The following PACSIN1 variants were observed in gnomAD, a reference collection of about 807,000 sequenced individuals.
PACSIN1 encodes protein kinase C and casein kinase substrate in neurons 1, also known as protein kinase C and casein kinase substrate in neurons protein 1.
Under a neutral mutation model 59.5 loss-of-function variants are expected in PACSIN1, and 15 were observed. That is an observed-to-expected ratio of 0.25 (90% CI 0.17 to 0.39). PACSIN1 has a LOEUF of 0.39. PACSIN1 is among the 10% of genes least tolerant of loss of function. PACSIN1 has a pLI of 1.00. For missense variants in PACSIN1, 420 were observed against 580.2 expected (o/e 0.72, Z 2.84); for synonymous variants, 210 against 220.6 (o/e 0.95, Z 0.42).
intron 1 of PACSIN1, among the ~76,000 whole-genome samples, chr6:34,504,861 G>A (rs1767085234): frequency 6.6e-6 from 1 of 152,048 alleles, no homozygotes; most frequent in Non-Finnish European, 1.5e-5. Flanking sequence ...ATTTTCTCTG[G>A]ATATATGGTT....
chr6:34,519,941 G>A (rs1367046339), intron 1 of PACSIN1, among the ~76,000 whole-genome samples: 1 of 152,150 alleles, frequency 6.6e-6, no homozygotes, highest in Non-Finnish European at 1.5e-5. Flanking sequence ...GTTTAGGGGA[G>A]GGCATGCCTA....
Position 34,529,059 on chromosome 6 carries a change from G to A in PACSIN1, c.456+182G>A, listed in dbSNP as rs544400963. Among the ~76,000 whole-genome samples, 2 of 152,188 alleles carry A rather than the reference G, an allele frequency of 1.3e-5. No homozygotes were observed. Among genetic ancestry groups the A allele is most frequent in the East Asian group, 3.9e-4 (2 of 5,164 alleles). On this transcript the variant is annotated intron_variant, in intron 4 of 9. Transcript: ENST00000244458. This position sits in a 1 kb window ranked among gnomAD's most constrained non-coding sequence, Gnocchi z 6.3. Reference sequence around the variant, plus strand: ...ACAGATGGGTAGGCAGTGCCCATTGGGTAAGGAGACCCATGGGCAAAAAGG... The same window carrying A: ...ACAGATGGGTAGGCAGTGCCCATTGAGTAAGGAGACCCATGGGCAAAAAGG...
intron 1 of PACSIN1, among the ~76,000 whole-genome samples, chr6:34,503,028 G>A (rs887850135): frequency 6.6e-6 from 1 of 152,072 alleles, no homozygotes; most frequent in African/African-American, 2.4e-5. Flanking sequence ...CCCTGGAAGG[G>A]GCACTGCATT....
chr6:34,524,098 G>A (rs1386026281), intron 1 of PACSIN1, among the ~76,000 whole-genome samples: 1 of 152,204 alleles, frequency 6.6e-6, no homozygotes, highest in Non-Finnish European at 1.5e-5. Context: ...TCATCTGGAA[G>A]CTGGAGAGAC....
chr6:34,507,003 G>C (rs1767126213), intron 1 of PACSIN1, among the ~76,000 whole-genome samples: 1 of 152,164 alleles, frequency 6.6e-6, no homozygotes, highest in Admixed American at 6.5e-5. Context: ...TGGGGCTGTA[G>C]TTTCTTCCAT....
chr6:34,526,176 C>A, intron 1 of PACSIN1, 67 bp from the exon 2 acceptor site: 1 of 709,188 alleles, frequency 1.4e-6, no homozygotes, highest in Non-Finnish European at 2.4e-6. Flanking sequence ...GGGACCCAGG[C>A]CTGGAATGGG....
chr6:34,515,229 G>T lies in PACSIN1; in HGVS notation c.-63-11014G>T, dbSNP rs1767271031. 6.6e-6 allele frequency among the ~76,000 whole-genome samples: 1 copy of T among 152,220 alleles called. No individual in the cohort carries two copies. Among genetic ancestry groups the T allele is most frequent in the South Asian group, 2.1e-4 (1 of 4,834 alleles). ...GGGTGTGGGGCGCAGCCAGCATCCT[G>T]AGAGGTCTTGTCAGAACCGTCAGAA... On this transcript the variant is annotated intron_variant, in intron 1 of 9. Coordinates refer to ENST00000244458, the MANE Select transcript of PACSIN1 (RefSeq NM_020804.5). This position sits in a 1 kb window ranked among gnomAD's most constrained non-coding sequence, Gnocchi z 4.4.
intron 1 of PACSIN1, among the ~76,000 whole-genome samples, chr6:34,475,806 G>C (rs1766631537): frequency 1.3e-5 from 2 of 152,156 alleles, no homozygotes; most frequent in Non-Finnish European, 2.9e-5. Context: ...CAAGCCTGTG[G>C]GGATGGTATT....
chr6:34,532,738 G>C lies in PACSIN1; in HGVS notation c.*208G>C. ...AGGCTGGGGTGCTGGGGCTTGGGGT[G>C]GCCCCAGGGTAGGTAACAGTCTTAG... On this transcript the variant is annotated 3_prime_UTR_variant, in exon 10 of 10. Coordinates refer to ENST00000244458, the MANE Select transcript of PACSIN1 (RefSeq NM_020804.5). The surrounding 1 kb of genome is among the most constrained non-coding windows in gnomAD (Gnocchi z 5.2). 1 of 562,716 alleles carries C rather than the reference G, an allele frequency of 1.8e-6. No homozygotes were observed. Among genetic ancestry groups the C allele is most frequent in the Non-Finnish European group, 3.2e-6 (1 of 314,528 alleles). 34.9% of individuals were successfully genotyped at this position (562,716 alleles called of 1,614,324 possible).
At chr6:34,495,885 G>A (rs1467017841) in intron 1 of PACSIN1, among the ~76,000 whole-genome samples, 2 of 152,252 alleles carry the variant, frequency 1.3e-5, no homozygotes, top group East Asian at 3.9e-4. Flanking sequence ...CCTCTGTCTC[G>A]CCCAGGCCCA....
In PACSIN1 at chr6:34,515,218, G is replaced by C. The variant is rs529017049; in HGVS notation, c.-63-11025G>C. ...GCTGGGGAGCGGGGTGTGGGGCGCAGCCAGCATCCTGAGAGGTCTTGTCAG... is the reference window on the plus strand; with the variant it reads ...GCTGGGGAGCGGGGTGTGGGGCGCACCCAGCATCCTGAGAGGTCTTGTCAG... On this transcript the variant is annotated intron_variant, in intron 1 of 9. Coordinates refer to ENST00000244458, the MANE Select transcript of PACSIN1 (RefSeq NM_020804.5). This position sits in a 1 kb window ranked among gnomAD's most constrained non-coding sequence, Gnocchi z 4.4. The C allele has an allele frequency of 6.5e-6, 1 of 152,984 alleles. No individual in the cohort carries two copies. Among genetic ancestry groups the C allele is most frequent in the South Asian group, 2.1e-4 (1 of 4,834 alleles). The allele number at this position is 152,984 out of a possible 1,614,324, so 9.5% of individuals were successfully genotyped here.
chr6:34,521,856 G>A lies in PACSIN1; in HGVS notation c.-63-4387G>A, dbSNP rs966020633. Among the ~76,000 whole-genome samples, 2 of 152,328 alleles carry A rather than the reference G, an allele frequency of 1.3e-5. No individual in the cohort carries two copies. Among genetic ancestry groups the A allele is most frequent in the East Asian group, 1.9e-4 (1 of 5,178 alleles). On this transcript the variant is annotated intron_variant, in intron 1 of 9. Transcript: ENST00000244458. The surrounding 1 kb of genome is among the most constrained non-coding windows in gnomAD (Gnocchi z 4.3). ...TACAGATGCGGACGCCGAGGCCTGG[G>A]AAGAGGGAGAGAGCCACACACGGTC... is the stretch of plus-strand genomic sequence containing the variant.
intron 1 of PACSIN1, among the ~76,000 whole-genome samples, chr6:34,468,005 G>T (rs925131306): frequency 6.6e-6 from 1 of 152,184 alleles, no homozygotes; most frequent in Non-Finnish European, 1.5e-5. Flanking sequence ...TGAAGGTCTG[G>T]CTCTCCTCAG....
In PACSIN1 at chr6:34,530,191, AG is replaced by A; in HGVS notation, c.789-48del. ...CTCTGGCCTCTCACCAAGGTTGAGG[AG>A]GGGCCATGTTGAATCTGTGCCCTCC... On this transcript the variant is annotated intron_variant, in intron 6 of 9. Coordinates refer to ENST00000244458, the MANE Select transcript of PACSIN1 (RefSeq NM_020804.5). The surrounding 1 kb of genome is among the most constrained non-coding windows in gnomAD (Gnocchi z 4.4). 1.9e-6 allele frequency: 3 copies of A among 1,562,688 alleles called. No individual in the cohort carries two copies. In the African/African-American group the frequency reaches 4.0e-5, roughly 21 times the overall value.
intron 1 of PACSIN1, among the ~76,000 whole-genome samples, chr6:34,483,590 C>T (rs1004601264): frequency 4.1e-5 from 6 of 148,058 alleles, no homozygotes; most frequent in African/African-American, 2.5e-5. Context: ...TGGTTTCTGG[C>T]GCCTGGCTCT....
chr6:34,479,806 T>C (rs1052924904), intron 1 of PACSIN1, among the ~76,000 whole-genome samples: 2 of 151,456 alleles, frequency 1.3e-5, no homozygotes, highest in African/African-American at 4.9e-5. Context: ...CTGTTGTTTT[T>C]TATTTTATTT....
At chr6:34,502,992 C>A (rs181743740) in intron 1 of PACSIN1, among the ~76,000 whole-genome samples, 1 of 152,156 alleles carries the variant, frequency 6.6e-6, no homozygotes, top group Non-Finnish European at 1.5e-5. Flanking sequence ...TCCCGTTGGT[C>A]CCGATGCTTA....
In PACSIN1 at chr6:34,528,810, A is replaced by G. The variant is rs1338254615; in HGVS notation, c.389A>G (p.Lys130Arg). ...CACAAGCAGATCATGGGTGGCTTCA[A>G]GGAGACGAAGGAGGCTGAAGATGGC... Reference protein sequence around the residue: ...AYHKQIMGGFKETKEAEDGFR... With the variant: ...AYHKQIMGGFRETKEAEDGFR... Residue 130 changes from lysine to arginine, a missense_variant, in exon 4 of 10, where the codon AAG becomes AGG. By Grantham distance (26) the Lys-to-Arg change is conservative (BLOSUM62 2). Coordinates refer to ENST00000244458, the MANE Select transcript of PACSIN1 (RefSeq NM_020804.5). The G allele has an allele frequency of 6.3e-7, 1 of 1,589,936 alleles. No individual in the cohort carries two copies. Among genetic ancestry groups the G allele is most frequent in the South Asian group, 1.1e-5 (1 of 90,720 alleles).
chr6:34,527,674 T>G, intron 3 of PACSIN1, 186 bp downstream of exon 3: 3 of 417,580 alleles, frequency 7.2e-6, no homozygotes, highest in East Asian at 7.2e-5. Flanking sequence ...TGTACAATTT[T>G]AGGTTGAATT....
Sources: gnomAD v4.1 joint callset for allele counts (sites outside exome capture counted in the v4.1 genomes callset) on GRCh38, gnomAD v4.1.1 for gene constraint, Gnocchi (gnomAD v3.1) non-coding constraint, MANE v1.5 for transcripts, NCBI Gene and HGNC (gene_info 2026-07-23, HGNC 2026-07-21) for gene names.